Variants in TBCD observed in about 807,000 individuals in gnomAD.
TBCD encodes the protein tubulin-specific chaperone D.
TBCD carries 105 observed loss-of-function variants against 169.3 expected under a neutral mutation model. The observed-to-expected ratio is 0.62, with a 90% confidence interval of 0.53 to 0.73. The LOEUF is 0.73. Ranked by LOEUF, TBCD falls within the 30% of genes least tolerant of loss-of-function variation. TBCD has a pLI of 0.00. For synonymous variants in TBCD, 700 were observed against 643.9 expected, an observed-to-expected ratio of 1.09 and a Z score of -1.32; for missense variants, 1,444 against 1,600.1, an observed-to-expected ratio of 0.90 and a Z score of 1.66.
In TBCD at chr17:82,752,165, G is replaced by A; in HGVS notation, c.-29G>A. ...CGGAGTGGGATCTGCGAACACGTGA[G>A]GCGGGGGCGCGGTCCCCAGGCTGCC... On this transcript the variant is annotated 5_prime_UTR_variant, in exon 1 of 39. Coordinates refer to ENST00000355528, the MANE Select transcript of TBCD (RefSeq NM_005993.5). 2.0e-6 allele frequency: 3 copies of A among 1,490,024 alleles called. No individual in the cohort carries two copies. Among genetic ancestry groups the A allele is most frequent in the Non-Finnish European group, 2.7e-6 (3 of 1,122,880 alleles). The allele number at this position is 1,490,024 out of a possible 1,614,324, so 92.3% of individuals were successfully genotyped here.
intron 20 of TBCD, among the ~76,000 whole-genome samples, chr17:82,907,173 AG>A (rs1321096311): frequency 2.6e-5 from 4 of 152,216 alleles, no homozygotes; most frequent in African/African-American, 9.6e-5. Context: ...TGAGCCAGTG[AG>A]GGGGCCTCAT....
intron 22 of TBCD, among the ~76,000 whole-genome samples, 168 bp from the exon 23 acceptor site, chr17:82,911,590 C>T (rs1209481608): frequency 6.6e-6 from 1 of 152,202 alleles, no homozygotes; most frequent in Non-Finnish European, 1.5e-5. Flanking sequence ...ATGGCTGTAC[C>T]ACGTTTTTTC....
Position 82,831,359 on chromosome 17 carries a change from T to A in TBCD, c.1318+16425T>A. 6.2e-7 allele frequency: 1 copy of A among 1,614,098 alleles called. No homozygotes were observed. The highest frequency in any genetic ancestry group is 8.5e-7 in the Non-Finnish European group (1 of 1,180,014). On this transcript the variant is annotated intron_variant, in intron 13 of 38. Coordinates refer to ENST00000355528, the MANE Select transcript of TBCD (RefSeq NM_005993.5). This position sits in a 1 kb window ranked among gnomAD's most constrained non-coding sequence, Gnocchi z 4.6. ...TGTTTTCTGTTGGGGTCCGAAGGGTTTAACCTGGAAGGACTCGAGGCTGGA... is the reference window on the plus strand; with the variant it reads ...TGTTTTCTGTTGGGGTCCGAAGGGTATAACCTGGAAGGACTCGAGGCTGGA...
chr17:82,940,318 G>A (rs1483091219), intron 37 of TBCD, among the ~76,000 whole-genome samples: 2 of 152,214 alleles, frequency 1.3e-5, no homozygotes, highest in Non-Finnish European at 2.9e-5. Context: ...CTGTGTGGGT[G>A]TCCACATGGC....
intron 13 of TBCD, chr17:82,865,474 A>G (rs1187646470): frequency 1.0e-6 from 1 of 985,354 alleles, no homozygotes; most frequent in Non-Finnish European, 1.2e-6. Context: ...TCTCTGGGCT[A>G]TGTGGGAGGT....
chr17:82,917,202 T>G (rs1451892847), intron 23 of TBCD, among the ~76,000 whole-genome samples: 1 of 151,982 alleles, frequency 6.6e-6, no homozygotes, highest in African/African-American at 2.4e-5. Flanking sequence ...GTATTTTTTG[T>G]AGAGATGGGG....
chr17:82,814,793 A>G, intron 12 of TBCD, 47 bp from the exon 13 acceptor site: 1 of 1,599,724 alleles, frequency 6.3e-7, no homozygotes, highest in Non-Finnish European at 8.6e-7. Flanking sequence ...GCTTTGAACC[A>G]AAAGCTGACA....
chr17:82,774,515 C>T (rs1006645003), intron 6 of TBCD, among the ~76,000 whole-genome samples: 21 of 152,198 alleles, frequency 1.4e-4, no homozygotes, highest in African/African-American at 2.2e-4. Context: ...CTTTTCTATT[C>T]GACAAAACCG....
Position 82,766,315 on chromosome 17 carries a change from G to A in TBCD, c.382G>A (p.Asp128Asn), listed in dbSNP as rs768872489. ...FLRLFPHEVA[D>N]VEPVLDLVTI... Reference sequence around the variant, plus strand: ...TCGTTTATTTCCTCATGAAGTTGCCGATGTAGAGCCTGTTTTAGATTTGGT... The same window carrying A: ...TCGTTTATTTCCTCATGAAGTTGCCAATGTAGAGCCTGTTTTAGATTTGGT... Residue 128 changes from aspartate (D) to asparagine (N), a missense_variant, in exon 4 of 39, where the codon GAT (aspartate) becomes AAT (asparagine). Physicochemically the swap from Asp to Asn is conservative, Grantham distance 23. Coordinates refer to ENST00000355528, the MANE Select transcript of TBCD (RefSeq NM_005993.5). 5.6e-6 allele frequency: 9 copies of A among 1,613,326 alleles called. No individual in the cohort carries two copies. The highest frequency in any genetic ancestry group is 2.2e-5 in the East Asian group (1 of 44,880).
At chr17:82,775,747 G>C (rs1038986318) in intron 6 of TBCD, among the ~76,000 whole-genome samples, 1 of 124,098 alleles carries the variant, frequency 8.1e-6, no homozygotes, top group Non-Finnish European at 1.7e-5. Context: ...GTTGTGGGGT[G>C]GGGGGAGGGG....
chr17:82,896,863 G>C (rs1386770680), intron 17 of TBCD, among the ~76,000 whole-genome samples: 3 of 152,062 alleles, frequency 2.0e-5, no homozygotes, highest in Admixed American at 6.5e-5. Flanking sequence ...GGTCCTTGCC[G>C]GCGCTGGGGG....
rs915235344 is a variant in TBCD, at chr17:82,806,903, G to C, written c.1088-705G>C. On this transcript the variant is annotated intron_variant, in intron 10 of 38. Coordinates refer to ENST00000355528, the MANE Select transcript of TBCD (RefSeq NM_005993.5). This position sits in a 1 kb window ranked among gnomAD's most constrained non-coding sequence, Gnocchi z 5.1. Reference sequence around the variant, plus strand: ...TGGGCGGCTCTGAGTCCCGGGCGGGGCCCTGGGTCTGCCCCTTCCCCGTGT... The same window carrying C: ...TGGGCGGCTCTGAGTCCCGGGCGGGCCCCTGGGTCTGCCCCTTCCCCGTGT... Among the ~76,000 whole-genome samples, 1 of 152,202 alleles carries C rather than the reference G, an allele frequency of 6.6e-6. No individual in the cohort carries two copies. Among genetic ancestry groups the C allele is most frequent in the African/African-American group, 2.4e-5 (1 of 41,450 alleles).
At chr17:82,801,992 C>T (rs1462848180) in intron 9 of TBCD, among the ~76,000 whole-genome samples, 6 of 150,596 alleles carry the variant, frequency 4.0e-5, no homozygotes, top group Non-Finnish European at 8.9e-5. Context: ...TCAGCTCAGC[C>T]TCCCTGGCGT....
chr17:82,770,425 C>A (rs1598416368), intron 5 of TBCD, among the ~76,000 whole-genome samples: 1 of 151,970 alleles, frequency 6.6e-6, no homozygotes, highest in South Asian at 2.1e-4. Context: ...CATGGAGAAA[C>A]CTTGTCTCTA....
intron 13 of TBCD, among the ~76,000 whole-genome samples, chr17:82,851,083 G>A (rs1204089191): frequency 6.6e-6 from 1 of 152,158 alleles, no homozygotes. Context: ...ATATTACACA[G>A]CCAGGCCATA....
rs2059878195 is a variant in TBCD, at chr17:82,901,342, G to A, written c.1730+611G>A. On this transcript the variant is annotated intron_variant, in intron 18 of 38. Coordinates refer to ENST00000355528, the MANE Select transcript of TBCD (RefSeq NM_005993.5). The stretch of plus-strand genomic sequence containing the variant: ...ACTCCTCACGGAGCCTCGAGGAGCG[G>A]TAGGTGCCTGTGGGTGGAGGTGGCT... Among the ~76,000 whole-genome samples, 3 of 152,346 alleles carry A rather than the reference G, an allele frequency of 2.0e-5. No individual in the cohort carries two copies. The South Asian group carries it at 6.2e-4, about 32-fold the overall frequency.
At chr17:82,851,254 G>GCA (rs1335584719) in intron 13 of TBCD, among the ~76,000 whole-genome samples, 3 of 8,030 alleles carry the variant, frequency 3.7e-4, no homozygotes, top group East Asian at 0.12. Flanking sequence ...TCAAGTCTCA[G>GCA]GAGGTTTTAA....
chr17:82,781,499 C>T (rs1354018356), intron 6 of TBCD, 90 bp from the exon 7 acceptor site: 2 of 1,525,476 alleles, frequency 1.3e-6, no homozygotes, highest in Non-Finnish European at 1.8e-6. Flanking sequence ...GTGGGAGGGC[C>T]TGGGGAGGTG....
chr17:82,815,534 A>G (rs2051821491), intron 13 of TBCD, among the ~76,000 whole-genome samples: 1 of 152,238 alleles, frequency 6.6e-6, no homozygotes, highest in Non-Finnish European at 1.5e-5. Context: ...AGCATGGCAG[A>G]TGCAGGGGCA....
Sources: allele counts gnomAD v4.1 joint callset (sites outside exome capture counted in the v4.1 genomes callset), GRCh38; gene constraint gnomAD v4.1.1; non-coding constraint Gnocchi (gnomAD v3.1); transcripts MANE v1.5; gene names NCBI Gene and HGNC (gene_info 2026-07-23, HGNC 2026-07-21).